The following CHEK1 variants were observed in gnomAD, a reference collection of about 807,000 sequenced individuals.
The protein encoded by CHEK1 is serine/threonine-protein kinase Chk1.
Under a neutral mutation model 60.2 loss-of-function variants are expected in CHEK1, and 32 were observed. The observed-to-expected ratio is 0.53, with a 90% CI of 0.40 to 0.71. The LOEUF (loss-of-function observed/expected upper bound fraction) is 0.71. CHEK1 is among the 30% of genes least tolerant of loss of function. The pLI is 0.00. For missense variants in CHEK1, 399 were observed against 564.6 expected (o/e 0.71, Z 2.97); for synonymous variants, 179 against 187.2 (o/e 0.96, Z 0.36).
chr11:125,655,147 CAA>C (rs1565383105), intron 12 of CHEK1, 76 bp from the exon 13 acceptor site: 14 of 1,077,484 alleles, frequency 1.3e-5, no homozygotes, highest in Non-Finnish European at 1.9e-5. Context: ...GTTACCACTA[CAA>C]AGAGATTGAT....
At chr11:125,644,865 C>T (rs1366495323) in intron 11 of CHEK1, among the ~76,000 whole-genome samples, 3 of 151,686 alleles carry the variant, frequency 2.0e-5, no homozygotes, top group African/African-American at 7.3e-5. Flanking sequence ...AAAAATTAGC[C>T]GGCCTGGTGG....
chr11:125,663,075 G>A (rs958605551), intron 13 of CHEK1, among the ~76,000 whole-genome samples: 5 of 150,686 alleles, frequency 3.3e-5, no homozygotes, highest in Non-Finnish European at 5.9e-5. Flanking sequence ...TTTACATTGA[G>A]TTTTTAAAGC....
chr11:125,630,381 G>T lies in CHEK1; in HGVS notation c.424+921G>T, dbSNP rs1940817438. 2.0e-5 allele frequency among the ~76,000 whole-genome samples: 3 copies of T among 151,872 alleles called. No individual in the cohort carries two copies. In the South Asian group the frequency reaches 6.2e-4, roughly 32 times the overall value. The stretch of plus-strand genomic sequence containing the variant: ...GCTGGAGTGTAGTGACATGATCTCG[G>T]CTCACTGTAACCTCTACCTCTCTGG... On this transcript the variant is annotated intron_variant, in intron 5 of 12. Transcript: ENST00000438015.
intron 13 of CHEK1, chr11:125,672,343 C>A: frequency 2.3e-6 from 1 of 434,632 alleles, no homozygotes; most frequent in Non-Finnish European, 4.1e-6. Flanking sequence ...GTGCTTTAAC[C>A]ATGTGAAATT....
Position 125,643,860 on chromosome 11 carries a change from C to G in CHEK1, c.883C>G (p.Gln295Glu), listed in dbSNP as rs1186977956. The change falls in exon 9 of 13, where the codon CAA becomes GAA. Residue 295 changes from glutamine (Q) to glutamate (E), a missense_variant. Physicochemically the swap from Gln to Glu is conservative, Grantham distance 29. Coordinates refer to ENST00000438015, the MANE Select transcript of CHEK1 (RefSeq NM_001114122.3). ...ESPSGFSKHI[Q>E]SNLDFSPVNS... ...TCCCAGTGGATTTTCTAAGCACATT[C>G]AATCCAATTTGGACTTCTCTCCAGT... is the stretch of plus-strand genomic sequence containing the variant. 6.2e-7 allele frequency: 1 copy of G among 1,613,988 alleles called. No individual in the cohort carries two copies. The highest frequency in any genetic ancestry group is 8.5e-7 in the Non-Finnish European group (1 of 1,180,016).
At chr11:125,671,884 C>T (rs113969301) in intron 13 of CHEK1, 5 of 152,072 alleles carry the variant, frequency 3.3e-5, no homozygotes, top group African/African-American at 1.2e-4. Context: ...TATGAGGGAC[C>T]GTTTAGTATT....
chr11:125,633,337 C>T lies in CHEK1; in HGVS notation c.599C>T (p.Ala200Val). ...TGGTCCTGTGGAATAGTACTTACTG[C>T]AATGCTCGCTGGAGGTAAGAGCTAT... is the stretch of plus-strand genomic sequence containing the variant. ...DVWSCGIVLT[A>V]MLAGELPWDQ... Residue 200 changes from alanine (A) to valine (V), a missense_variant, in exon 6 of 13, where the codon GCA becomes GTA. Physicochemically the swap from Ala to Val is moderately conservative, Grantham distance 64. Around this residue, in one of 2 missense-constraint regions of CHEK1, gnomAD observed 370 missense variants for 494.8 expected, o/e 0.75. Coordinates refer to ENST00000438015, the MANE Select transcript of CHEK1 (RefSeq NM_001114122.3). 3 of 1,557,518 alleles carry T rather than the reference C, an allele frequency of 1.9e-6. No homozygotes were observed. The highest frequency in any genetic ancestry group is 1.3e-5 in the South Asian group (1 of 79,728).
In CHEK1 at chr11:125,653,982, T is replaced by C; in HGVS notation, c.1335+135T>C. On this transcript the variant is annotated intron_variant, in intron 12 of 12. Coordinates refer to ENST00000438015, the MANE Select transcript of CHEK1 (RefSeq NM_001114122.3). The surrounding 1 kb of genome is among the most constrained non-coding windows in gnomAD (Gnocchi z 4.3). Reference sequence around the variant, plus strand: ...TTTCGTTTAATATTATGAGCATGTGTTTTCGTTATCTATTTTTCCCGAACA... The same window carrying C: ...TTTCGTTTAATATTATGAGCATGTGCTTTCGTTATCTATTTTTCCCGAACA... The C allele has an allele frequency of 1.9e-6, 1 of 524,918 alleles. No homozygotes were observed. The highest frequency in any genetic ancestry group is 3.3e-6 in the Non-Finnish European group (1 of 302,384). The allele number at this position is 524,918 out of a possible 1,614,324, so 32.5% of individuals were successfully genotyped here. A position where few individuals can be genotyped will look rare whatever the true frequency, so the allele number is the denominator to read the frequency against.
chr11:125,671,239 C>T (rs918136271), intron 13 of CHEK1, among the ~76,000 whole-genome samples: 3 of 152,046 alleles, frequency 2.0e-5, no homozygotes, highest in African/African-American at 7.3e-5. Flanking sequence ...TCCCTCAACA[C>T]CTATACCTAG....
chr11:125,644,376 T>C (rs1591409392), intron 10 of CHEK1, 108 bp downstream of exon 10: 2 of 1,455,852 alleles, frequency 1.4e-6, no homozygotes, highest in East Asian at 4.6e-5. Flanking sequence ...AAATCACATG[T>C]ATTCTTTTTT....
chr11:125,637,149 A>G (rs1941100950), intron 7 of CHEK1, among the ~76,000 whole-genome samples: 1 of 152,176 alleles, frequency 6.6e-6, no homozygotes, highest in Non-Finnish European at 1.5e-5. Flanking sequence ...TTGAAAATGG[A>G]TAAGAGGGGT....
At chr11:125,671,113 C>T (rs1420369364) in intron 13 of CHEK1, among the ~76,000 whole-genome samples, 1 of 152,020 alleles carries the variant, frequency 6.6e-6, no homozygotes, top group South Asian at 2.1e-4. Context: ...TGCTGTGTTG[C>T]CCAAGCTGGT....
At chr11:125,676,025 A>C (rs1942488767) in exon 14 of CHEK1, 1 of 204,300 alleles carries the variant, frequency 4.9e-6, no homozygotes. Context: ...CTCCTGCCTC[A>C]GCCTTCCAAG....
At chr11:125,635,407 C>A in intron 6 of CHEK1, 22 bp from the exon 7 acceptor site, 1 of 1,390,402 alleles carries the variant, frequency 7.2e-7, no homozygotes. Context: ...TTTAAAAAAA[C>A]TGGGACTTGC....
intron 10 of CHEK1, 66 bp from the exon 11 acceptor site, chr11:125,644,446 A>C: frequency 6.4e-7 from 1 of 1,559,426 alleles, no homozygotes; most frequent in Non-Finnish European, 8.6e-7. Flanking sequence ...GTCAGACTAA[A>C]TAGCTATGAT....
intron 11 of CHEK1, among the ~76,000 whole-genome samples, chr11:125,652,541 G>A (rs764277204): frequency 6.6e-6 from 1 of 152,042 alleles, no homozygotes; most frequent in Non-Finnish European, 1.5e-5. Context: ...TTGTTGCTAT[G>A]AGTTCATATA....
chr11:125,661,175 C>T (rs1373244798), downstream of CHEK1, among the ~76,000 whole-genome samples: 2 of 152,162 alleles, frequency 1.3e-5, no homozygotes, highest in Non-Finnish European at 2.9e-5. Context: ...ATTTGTTTTT[C>T]AATGGACCAT....
downstream of CHEK1, among the ~76,000 whole-genome samples, chr11:125,658,758 C>T (rs963604673): frequency 4.4e-5 from 6 of 135,110 alleles, no homozygotes; most frequent in Non-Finnish European, 6.2e-5. Context: ...GGCACAATCA[C>T]AGCTCACTGC....
At position 125,655,213 on chromosome 11, in the gene CHEK1, T is replaced by A; in HGVS notation, c.1336-12T>A. On this transcript the variant is annotated splice_polypyrimidine_tract_variant and intron_variant, in intron 12 of 12. Transcript: ENST00000438015. ...GTTTTGACATAATTTTTTAATACTATTTCTAATATAGGGTGATGGATTGGA... is the reference window on the plus strand; with the variant it reads ...GTTTTGACATAATTTTTTAATACTAATTCTAATATAGGGTGATGGATTGGA... 1 of 1,590,790 alleles carries A rather than the reference T, an allele frequency of 6.3e-7. No individual in the cohort carries two copies.
Sources: allele counts gnomAD v4.1 joint callset (sites outside exome capture counted in the v4.1 genomes callset), GRCh38; gene constraint gnomAD v4.1.1; regional missense constraint gnomAD v4.1.1; non-coding constraint Gnocchi (gnomAD v3.1); transcripts MANE v1.5; gene names NCBI Gene and HGNC (gene_info 2026-07-23, HGNC 2026-07-21).